Variants in PCDH15 observed in about 807,000 individuals in gnomAD.
PCDH15 encodes protocadherin-15.
A neutral mutation model predicts 178.5 loss-of-function variants in PCDH15; 129 were observed. The observed-to-expected ratio is 0.72, with a 90% CI of 0.63 to 0.84. The LOEUF is 0.84. Ranked by LOEUF, PCDH15 falls within the 40% of genes least tolerant of loss-of-function variation. The pLI is 0.00. For synonymous variants in PCDH15, 800 were observed against 732.0 expected (o/e 1.09, Z -1.50); for missense variants, 2,230 against 2,099.9 (o/e 1.06, Z -1.21).
intron 3 of PCDH15, among the ~76,000 whole-genome samples, chr10:54,841,778 A>C (rs1023650284): frequency 6.6e-6 from 1 of 151,816 alleles, no homozygotes; most frequent in African/African-American, 2.4e-5. Context: ...AAAAATTAAC[A>C]TTTCAATTAA....
At chr10:54,427,603 G>A (rs1183699760) in intron 3 of PCDH15, among the ~76,000 whole-genome samples, 2 of 151,972 alleles carry the variant, frequency 1.3e-5, no homozygotes, top group Non-Finnish European at 2.9e-5. Flanking sequence ...CTAAGGAAAT[G>A]ACAAATTAAG....
intron 1 of PCDH15, among the ~76,000 whole-genome samples, chr10:55,293,782 C>T (rs1843070603): frequency 6.6e-6 from 1 of 152,146 alleles, no homozygotes; most frequent in African/African-American, 2.4e-5. Context: ...ATATCATTTT[C>T]AGCATTTTGA....
chr10:54,944,269 C>A (rs572696313), intron 2 of PCDH15, among the ~76,000 whole-genome samples: 1 of 151,928 alleles, frequency 6.6e-6, no homozygotes, highest in Non-Finnish European at 1.5e-5. Context: ...TTCCCCACAG[C>A]CTGCATCTGA....
chr10:53,891,861 T>C (rs1233149957), intron 26 of PCDH15, among the ~76,000 whole-genome samples: 2 of 151,440 alleles, frequency 1.3e-5, no homozygotes, highest in Non-Finnish European at 2.9e-5. Flanking sequence ...CCCAGCTACT[T>C]GGGATGCTGA....
At chr10:54,250,077 CTTT>C (rs773771288) in intron 8 of PCDH15, among the ~76,000 whole-genome samples, 1 of 137,808 alleles carries the variant, frequency 7.3e-6, no homozygotes, top group Non-Finnish European at 1.6e-5. Flanking sequence ...CCACATCCGG[CTTT>C]TTTTTTTTTT....
At chr10:54,472,704 A>G (rs953121941) in intron 3 of PCDH15, among the ~76,000 whole-genome samples, 1 of 152,172 alleles carries the variant, frequency 6.6e-6, no homozygotes, top group African/African-American at 2.4e-5. Context: ...GATTGTCGTC[A>G]GGAAGGACGT....
intron 18 of PCDH15, among the ~76,000 whole-genome samples, chr10:54,052,452 T>C (rs574469571): frequency 6.6e-6 from 1 of 152,214 alleles, no homozygotes; most frequent in Non-Finnish European, 1.5e-5. Flanking sequence ...GTTTAATGAC[T>C]GCCCTCTTGG....
chr10:55,623,090 C>T (rs1486604099), intron 2 of PCDH15, among the ~76,000 whole-genome samples: 1 of 151,978 alleles, frequency 6.6e-6, no homozygotes, highest in African/African-American at 2.4e-5. Flanking sequence ...TATCGCTAGT[C>T]CCTGGATTCC....
chr10:55,170,444 A>G (rs1839303403), intron 1 of PCDH15, among the ~76,000 whole-genome samples: 2 of 152,146 alleles, frequency 1.3e-5, no homozygotes, highest in Non-Finnish European at 2.9e-5. Context: ...CCACCGTGCC[A>G]GCCTTAAAGG....
At chr10:54,968,471 T>C (rs1338023467) in intron 2 of PCDH15, among the ~76,000 whole-genome samples, 1 of 151,790 alleles carries the variant, frequency 6.6e-6, no homozygotes, top group African/African-American at 2.4e-5. Context: ...ATTCTAAAAA[T>C]GCTTCTTGGC....
intron 3 of PCDH15, among the ~76,000 whole-genome samples, chr10:54,846,733 T>C (rs1198532374): frequency 2.6e-5 from 4 of 152,182 alleles, no homozygotes; most frequent in African/African-American, 9.7e-5. Flanking sequence ...TCCTTCCACC[T>C]GTAACCAATT....
At chr10:55,542,125 A>G (rs1841773478) in intron 2 of PCDH15, among the ~76,000 whole-genome samples, 1 of 150,180 alleles carries the variant, frequency 6.7e-6, no homozygotes, top group African/African-American at 2.4e-5. Flanking sequence ...CCACAAAGAA[A>G]TCAGTATTAT....
intron 8 of PCDH15, among the ~76,000 whole-genome samples, chr10:54,282,643 C>T (rs2058772414): frequency 6.6e-6 from 1 of 151,724 alleles, no homozygotes; most frequent in Admixed American, 6.6e-5. Flanking sequence ...AGAGGCTTAG[C>T]TCAATTGGTG....
At chr10:55,572,732 T>C (rs1240310595) in intron 2 of PCDH15, among the ~76,000 whole-genome samples, 1 of 152,068 alleles carries the variant, frequency 6.6e-6, no homozygotes, top group Non-Finnish European at 1.5e-5. Context: ...CAGGTCTCTC[T>C]GTGAAGGTTT....
At chr10:54,659,796 A>G (rs2094463146) in intron 2 of PCDH15, among the ~76,000 whole-genome samples, 1 of 151,858 alleles carries the variant, frequency 6.6e-6, no homozygotes, top group East Asian at 1.9e-4. Context: ...TCTCAAAACC[A>G]CACAAGTACA....
rs1467067508 is a variant in PCDH15, at chr10:53,823,259, A to G, written c.4368-3029T>C. ...CATGAGCTGACTTGTGAGCCTCAAT[A>G]GTATTGGAAGAAAAGGGCATCACAA... On this transcript the variant is annotated intron_variant, in intron 32 of 37. Coordinates refer to ENST00000644397, the MANE Select transcript of PCDH15 (RefSeq NM_001384140.1). 8.1e-6 allele frequency: 13 copies of G among 1,613,924 alleles called. No individual in the cohort carries two copies. Among genetic ancestry groups the G allele is most frequent in the African/African-American group, 1.3e-5 (1 of 74,924 alleles).
chr10:54,049,115 T>G (rs2135594489), intron 18 of PCDH15, among the ~76,000 whole-genome samples: 1 of 152,310 alleles, frequency 6.6e-6, no homozygotes, highest in South Asian at 2.1e-4. Context: ...CTAGGTATTT[T>G]ATTTTCACTT....
intron 8 of PCDH15, among the ~76,000 whole-genome samples, chr10:54,272,699 G>A (rs1017185269): frequency 3.9e-5 from 6 of 152,006 alleles, no homozygotes; most frequent in African/African-American, 1.4e-4. Context: ...GCTTTATCAC[G>A]CATCCTAAAC....
At chr10:54,433,507 C>G (rs1244275478) in intron 3 of PCDH15, among the ~76,000 whole-genome samples, 2 of 151,964 alleles carry the variant, frequency 1.3e-5, no homozygotes, top group East Asian at 1.9e-4. Flanking sequence ...GGATCTAAAA[C>G]TTAAAACAAC....
Sources: allele counts gnomAD v4.1 joint callset (sites outside exome capture counted in the v4.1 genomes callset), GRCh38; gene constraint gnomAD v4.1.1; transcripts MANE v1.5; gene names NCBI Gene and HGNC (gene_info 2026-07-23, HGNC 2026-07-21).